Variants in SMAD6 observed in about 807,000 individuals in gnomAD.
The protein encoded by SMAD6 is SMAD family member 6.
A neutral mutation model predicts 39.4 loss-of-function variants in SMAD6; 103 were observed. The observed-to-expected ratio is 2.62, with a 90% CI of 2.23 to 3.08. The LOEUF is 3.08. Among genes scored for constraint, SMAD6 ranks in the 30% most tolerant of loss-of-function variants. SMAD6 has a pLI of 0.00. For missense variants in SMAD6, 1,104 were observed against 742.9 expected (o/e 1.49, Z -5.65); for synonymous variants, 445 against 353.3 (o/e 1.26, Z -2.91).
chr15:66,746,402 C>T (rs1297651119), intron 3 of SMAD6, among the ~76,000 whole-genome samples: 1 of 152,098 alleles, frequency 6.6e-6, no homozygotes, highest in Non-Finnish European at 1.5e-5. Flanking sequence ...GGTCTCCCTC[C>T]CTGGCGAGCC....
chr15:66,776,493 A>G (rs1894470575), intron 3 of SMAD6, among the ~76,000 whole-genome samples: 1 of 152,222 alleles, frequency 6.6e-6, no homozygotes, highest in Non-Finnish European at 1.5e-5. Flanking sequence ...ATATCCAGTC[A>G]GTGGTGGCAG....
intron 1 of SMAD6, chr15:66,707,358 G>C (rs571761453): frequency 6.6e-6 from 1 of 152,124 alleles, no homozygotes; most frequent in South Asian, 2.1e-4. Context: ...GCGAGAGAGA[G>C]AGAACTTCTA....
Position 66,702,619 on chromosome 15 carries a change from C to T in SMAD6, c.-640C>T, listed in dbSNP as rs1892996226. 2 of 152,574 alleles carry T rather than the reference C, an allele frequency of 1.3e-5. No individual in the cohort carries two copies. Among genetic ancestry groups the T allele is most frequent in the South Asian group, 4.1e-4 (2 of 4,832 alleles). 9.5% of individuals were successfully genotyped at this position (152,574 alleles called of 1,614,324 possible). On this transcript the variant is annotated 5_prime_UTR_variant, in exon 1 of 4. Transcript: ENST00000288840. The stretch of plus-strand genomic sequence containing the variant: ...CAGGAGAAACTCGCTCCAAGTGCAT[C>T]TAGCGCCTGGGACCTGAGACGGCGT...
rs148470853 is a variant in SMAD6, at chr15:66,744,876, A to G, written c.952+28378A>G. ...CCCCAGCTCCTATGGGACCTGGGCA[A>G]TTGCCTGACTGAGCCTCAGTTTTCT... is the stretch of plus-strand genomic sequence containing the variant. On this transcript the variant is annotated intron_variant, in intron 3 of 3. Coordinates refer to ENST00000288840, the MANE Select transcript of SMAD6 (RefSeq NM_005585.5). Among the ~76,000 whole-genome samples the G allele has an allele frequency of 1.7e-3, 253 of 152,180 alleles. 1 individual carries two copies. Among genetic ancestry groups the G allele is most frequent in the African/African-American group, 5.8e-3 (242 of 41,520 alleles).
intron 3 of SMAD6, among the ~76,000 whole-genome samples, chr15:66,742,189 C>T (rs972175356): frequency 6.6e-6 from 1 of 152,304 alleles, no homozygotes; most frequent in African/African-American, 2.4e-5. Context: ...GACACAGGTA[C>T]AGTGGTGGCT....
rs761315842 is a variant in SMAD6, at chr15:66,716,505, AT to A, written c.952+13del. 3.5e-4 allele frequency: 560 copies of A among 1,606,778 alleles called. No individual in the cohort carries two copies. Among genetic ancestry groups the A allele is most frequent in the Non-Finnish European group, 4.6e-4 (536 of 1,173,440 alleles). The stretch of plus-strand genomic sequence containing the variant: ...GCTCCGGGTGAATTCTCAGGTCAGC[AT>A]TTTTTCTTGTGCATTGCTGTTGTGT... On this transcript the variant is annotated splice_region_variant and intron_variant, in intron 3 of 3. Coordinates refer to ENST00000288840, the MANE Select transcript of SMAD6 (RefSeq NM_005585.5).
intron 3 of SMAD6, among the ~76,000 whole-genome samples, chr15:66,769,158 T>G (rs1894338781): frequency 6.6e-6 from 1 of 152,104 alleles, no homozygotes; most frequent in Non-Finnish European, 1.5e-5. Context: ...AACCTGTGAG[T>G]TAGGTAATCA....
chr15:66,709,418 C>G (rs180766277), intron 1 of SMAD6, among the ~76,000 whole-genome samples: 2 of 152,320 alleles, frequency 1.3e-5, no homozygotes, highest in East Asian at 3.9e-4. Flanking sequence ...GTAGCTCTTC[C>G]AGGTGGGACT....
chr15:66,704,734 G>C (rs1205882578), intron 1 of SMAD6: 1 of 152,244 alleles, frequency 6.6e-6, no homozygotes, highest in Non-Finnish European at 1.5e-5. Flanking sequence ...CTCAAGTTTT[G>C]TGTTCAGCTT....
In SMAD6 at chr15:66,754,343, C is replaced by T. The variant is rs77656641; in HGVS notation, c.953-26654C>T. ...CTTCCTGTGCTGCAGAAGACTGGAC[C>T]GAGCTTTGCGGTATTCAGGGGTTCA... On this transcript the variant is annotated intron_variant, in intron 3 of 3. Coordinates refer to ENST00000288840, the MANE Select transcript of SMAD6 (RefSeq NM_005585.5). Among the ~76,000 whole-genome samples, 880 of 152,264 alleles carry T rather than the reference C, an allele frequency of 5.8e-3. 13 individuals carry two copies. Among genetic ancestry groups the T allele is most frequent in the African/African-American group, 0.02 (846 of 41,536 alleles).
chr15:66,746,022 G>A (rs1469712526), intron 3 of SMAD6, among the ~76,000 whole-genome samples: 4 of 152,174 alleles, frequency 2.6e-5, no homozygotes, highest in Admixed American at 6.5e-5. Flanking sequence ...CTAGTGCCTC[G>A]CTGGTGGGCC....
intron 3 of SMAD6, among the ~76,000 whole-genome samples, chr15:66,780,669 C>A (rs984860981): frequency 9.2e-5 from 14 of 152,220 alleles, no homozygotes; most frequent in Non-Finnish European, 1.8e-4. Flanking sequence ...GTCTGTCTCT[C>A]CTGCTAGCAT....
rs1174019833 is a variant in SMAD6, at chr15:66,702,719, TC to T, written c.-539del. On this transcript the variant is annotated 5_prime_UTR_variant, in exon 1 of 4. The change creates a premature stop within an existing upstream ORF in the 5' untranslated region. Transcript: ENST00000288840. ...CCTTTTCTTTCTTTCCTTTTTTTTT[TC>T]TTTTTGCAGGGAGTAAGAAGGGAGC... is the stretch of plus-strand genomic sequence containing the variant. 2 of 152,358 alleles carry T rather than the reference TC, an allele frequency of 1.3e-5. No homozygotes were observed. The highest frequency in any genetic ancestry group is 1.9e-4 in the East Asian group (1 of 5,188). 9.4% of individuals were successfully genotyped at this position (152,358 alleles called of 1,614,324 possible). A position where few individuals can be genotyped will look rare whatever the true frequency, so the allele number is the denominator to read the frequency against.
chr15:66,737,797 G>A (rs939064128), intron 3 of SMAD6, among the ~76,000 whole-genome samples: 7 of 151,798 alleles, frequency 4.6e-5, no homozygotes, highest in East Asian at 1.9e-4. Flanking sequence ...GGCAAACCCA[G>A]AGCCTGGGAC....
intron 3 of SMAD6, chr15:66,717,485 C>T (rs1227567190): frequency 2.2e-6 from 1 of 450,660 alleles, no homozygotes; most frequent in Non-Finnish European, 4.5e-6. Flanking sequence ...TGTTTTGTCC[C>T]CCACTTTTCT....
At chr15:66,766,217 G>GGGCAGGC (rs1260924807) in intron 3 of SMAD6, among the ~76,000 whole-genome samples, 2 of 152,202 alleles carry the variant, frequency 1.3e-5, no homozygotes, top group Non-Finnish European at 2.9e-5. Context: ...GGGGGGCAGG[G>GGGCAGGC]GGCAGGCGCC....
Position 66,780,995 on chromosome 15 carries a change from AGAC to A in SMAD6, c.953_955del (p.Asp318del). On this transcript the variant is annotated splice_acceptor_variant and coding_sequence_variant, in exon 4 of 4. Transcript: ENST00000288840. LOFTEE classifies it high-confidence loss of function. ...GCGGCGGTCCCTGTGCTTGTCCCGC[AGAC>A]GCCAGCATGTCTCCGGACGCCACCA... 1 of 1,562,158 alleles carries A rather than the reference AGAC, an allele frequency of 6.4e-7. No homozygotes were observed. The highest frequency in any genetic ancestry group is 8.6e-7 in the Non-Finnish European group (1 of 1,158,674).
At chr15:66,712,174 CCT>C (rs1398667696) in intron 2 of SMAD6, among the ~76,000 whole-genome samples, 1 of 152,166 alleles carries the variant, frequency 6.6e-6, no homozygotes, top group Non-Finnish European at 1.5e-5. Flanking sequence ...ACATTTTCCC[CCT>C]TTTTAAGCCA....
chr15:66,727,886 C>A (rs796985533), intron 3 of SMAD6, among the ~76,000 whole-genome samples: 19 of 151,570 alleles, frequency 1.3e-4, no homozygotes, highest in African/African-American at 4.6e-4. Flanking sequence ...GAGTGTTGCT[C>A]TTGTTGCCCA....
Sources: gnomAD v4.1 joint callset for allele counts (sites outside exome capture counted in the v4.1 genomes callset) on GRCh38, gnomAD v4.1.1 for gene constraint, MANE v1.5 for transcripts, NCBI Gene and HGNC (gene_info 2026-07-23, HGNC 2026-07-21) for gene names.